The following ASB11 variants were observed in gnomAD, a reference collection of about 807,000 sequenced individuals.
ASB11 encodes ankyrin repeat and SOCS box protein 11.
A neutral mutation model predicts 20.1 loss-of-function variants in ASB11; 17 were observed. The ratio of observed to expected loss-of-function variants is 0.85; its 90% CI spans 0.58 to 1.27. ASB11 has a LOEUF of 1.27. Among genes scored for constraint, ASB11 ranks in the 50% most tolerant of loss-of-function variants. ASB11 has a pLI of 0.00. For synonymous variants in ASB11, 107 were observed against 105.6 expected (o/e 1.01, Z -0.08); for missense variants, 259 against 256.9 (o/e 1.01, Z -0.06).
At chrX:15,296,703 GTTGAA>G (rs1280623483) in intron 3 of ASB11, among the ~76,000 whole-genome samples, 2 of 112,215 alleles carry the variant, frequency 1.8e-5, no homozygotes, top group Non-Finnish European at 3.8e-5. Flanking sequence ...CATTTAAGGT[GTTGAA>G]TTAAGAGTGT....
rs781293837 is a variant in ASB11, at chrX:15,312,516, A to G, written c.181+2909T>C. ...TGTTAAATGCAGCTTCCAAAAAAAA[A>G]AAAAAAAAAGAGTGCTCTGGACCTA... On this transcript the variant is annotated intron_variant, in intron 1 of 6. Transcript: ENST00000480796. Among the ~76,000 whole-genome samples the G allele has an allele frequency of 4.6e-5, 5 of 108,531 alleles. No individual in the cohort carries two copies. The East Asian group carries it at 1.4e-3, about 31-fold the overall frequency. The allele number at this position is 108,531 out of a possible 115,157, so 94.2% of individuals were successfully genotyped here.
Position 15,288,061 on chromosome X carries a change from C to T in ASB11, c.667G>A (p.Asp223Asn), listed in dbSNP as rs761707523. Residue 223 changes from aspartate to asparagine, a missense_variant, in exon 6 of 7, where the codon GAC becomes AAC. Coordinates refer to ENST00000480796, the MANE Select transcript of ASB11 (RefSeq NM_080873.3). ...GGGGTGTCCAGCCACTGGCCATGGT[C>T]GACACTGGCTCCTTAACAAAACAGA... is the stretch of plus-strand genomic sequence containing the variant. ...KKLLELGASV[D>N]HGQWLDTPLH... The T allele has an allele frequency of 5.8e-6, 7 of 1,206,024 alleles. No homozygotes were observed. Among genetic ancestry groups the T allele is most frequent in the Non-Finnish European group, 6.7e-6 (6 of 893,374 alleles).
At chrX:15,310,824 C>A (rs1014666671) in intron 1 of ASB11, among the ~76,000 whole-genome samples, 6 of 111,406 alleles carry the variant, frequency 5.4e-5, no homozygotes, top group Non-Finnish European at 1.9e-5. Context: ...CCTGTCTCTA[C>A]TAAAAATACA....
At position 15,315,541 on chromosome X, in the gene ASB11, A is replaced by G. The variant is rs1408813974; in HGVS notation, c.65T>C (p.Phe22Ser). Residue 22 changes from phenylalanine (F) to serine (S), a missense_variant, in exon 1 of 7, where the codon TTT becomes TCT. Phe to Ser is a radical substitution (Grantham distance 155, BLOSUM62 -2). Coordinates refer to ENST00000480796, the MANE Select transcript of ASB11 (RefSeq NM_080873.3). ...AACTTTAATTAAAAGCTTAAAGAAA[A>G]AAAACGTAGCAAACATTGTAATAAA... is the stretch of plus-strand genomic sequence containing the variant. ...NIFITMFATF[F>S]FFKLLIKVFL... The G allele has an allele frequency of 8.4e-7, 1 of 1,192,859 alleles. No homozygotes were observed. The highest frequency in any genetic ancestry group is 1.8e-5 in the African/African-American group (1 of 56,272).
Position 15,308,704 on chromosome X carries a change from T to C in ASB11, c.182-5897A>G, listed in dbSNP as rs950818046. The stretch of plus-strand genomic sequence containing the variant: ...AGAAATAGGACTGAAACCCTAGTTA[T>C]GGGGACTTTAGAACACACCTTGTTC... On this transcript the variant is annotated intron_variant, in intron 1 of 6. Coordinates refer to ENST00000480796, the MANE Select transcript of ASB11 (RefSeq NM_080873.3). Among the ~76,000 whole-genome samples the C allele has an allele frequency of 5.4e-5, 6 of 111,928 alleles. No homozygotes were observed. The Admixed American group carries it at 5.7e-4, about 11-fold the overall frequency.
At chrX:15,288,885 CA>C (rs1391742665) in intron 5 of ASB11, among the ~76,000 whole-genome samples, 41 of 98,729 alleles carry the variant, frequency 4.2e-4, no homozygotes, top group Admixed American at 4.4e-4. Context: ...AACTTCATCT[CA>C]AAAAAAAAAA....
intron 1 of ASB11, among the ~76,000 whole-genome samples, chrX:15,312,417 CAA>C (rs1231680554): frequency 4.2e-5 from 1 of 23,613 alleles, no homozygotes; most frequent in Non-Finnish European, 7.0e-5. Context: ...GCCCACTGCA[CAA>C]AAAAAAAAAA....
At chrX:15,292,966 A>G (rs5935932) in intron 4 of ASB11, among the ~76,000 whole-genome samples, 35,993 of 111,139 alleles carry the variant, frequency 0.32, 4,698 homozygotes, top group South Asian at 0.56. Context: ...TTCCGAAGTT[A>G]TAAGTAGGGC....
At chrX:15,288,168 C>A in intron 5 of ASB11, 96 bp from the exon 6 acceptor site, 1 of 893,713 alleles carries the variant, frequency 1.1e-6, no homozygotes, top group Admixed American at 3.5e-5. Context: ...ATTTTAAGTA[C>A]CATGACATAC....
rs1251983063 is a variant in ASB11, at chrX:15,315,448, TCTG to T, written c.155_157del (p.Ala52del). 1 of 1,131,729 alleles carries T rather than the reference TCTG, an allele frequency of 8.8e-7. No individual in the cohort carries two copies. Among genetic ancestry groups the T allele is most frequent in the Non-Finnish European group, 1.2e-6 (1 of 860,589 alleles). The allele number at this position is 1,131,729 out of a possible 1,213,427, so 93.3% of individuals were successfully genotyped here. ...ACCTGAAATTCCACCATAGATCTCT[TCTG>T]CTATCCTAGCCGCTTCTTTTCTATT... On this transcript the variant is annotated inframe_deletion, in exon 1 of 7. Transcript: ENST00000480796.
chrX:15,304,119 T>G (rs1435372060), intron 1 of ASB11, among the ~76,000 whole-genome samples: 2 of 112,970 alleles, frequency 1.8e-5, no homozygotes, highest in Admixed American at 1.9e-4. Flanking sequence ...CTCAACCTCT[T>G]GTGGGTGATC....
At chrX:15,296,660 T>G (rs1269143068) in intron 3 of ASB11, among the ~76,000 whole-genome samples, 2 of 112,286 alleles carry the variant, frequency 1.8e-5, no homozygotes, top group African/African-American at 6.5e-5. Flanking sequence ...AGCTCGCTCA[T>G]TTTGATAATT....
At chrX:15,296,666 T>C (rs1336877747) in intron 3 of ASB11, among the ~76,000 whole-genome samples, 1 of 112,385 alleles carries the variant, frequency 8.9e-6, no homozygotes, top group African/African-American at 3.2e-5. Context: ...CTCATTTTGA[T>C]AATTTTGCTC....
At chrX:15,284,251 CAAA>C (rs60542067) in intron 6 of ASB11, among the ~76,000 whole-genome samples, 6 of 72,323 alleles carry the variant, frequency 8.3e-5, no homozygotes, top group African/African-American at 2.9e-4. Flanking sequence ...GACTCCGCCT[CAAA>C]AAAAAAAAAA....
chrX:15,302,150 G>A (rs1175318650), intron 2 of ASB11, among the ~76,000 whole-genome samples: 5 of 111,495 alleles, frequency 4.5e-5, no homozygotes, highest in Non-Finnish European at 9.4e-5. Context: ...ATGTGGCAAG[G>A]AATTGAGGTT....
At chrX:15,284,220 C>G (rs745345169) in intron 6 of ASB11, among the ~76,000 whole-genome samples, 6 of 100,768 alleles carry the variant, frequency 6.0e-5, no homozygotes, top group Non-Finnish European at 1.0e-4. Flanking sequence ...CCACTGCACT[C>G]CAGCCTGGGC....
At chrX:15,302,621 G>A in intron 2 of ASB11, 107 bp downstream of exon 2, 1 of 790,676 alleles carries the variant, frequency 1.3e-6, no homozygotes, top group East Asian at 3.3e-5. Context: ...AATGGCAATG[G>A]TGGGACCTGG....
intron 1 of ASB11, among the ~76,000 whole-genome samples, chrX:15,304,930 A>G (rs762844747): frequency 6.3e-5 from 7 of 111,779 alleles, no homozygotes; most frequent in Non-Finnish European, 1.3e-4. Context: ...AAAATAAACA[A>G]TAAGAGATTA....
At chrX:15,298,629 A>G (rs911368898) in intron 2 of ASB11, among the ~76,000 whole-genome samples, 4 of 111,428 alleles carry the variant, frequency 3.6e-5, no homozygotes, top group African/African-American at 1.3e-4. Flanking sequence ...GGGATGTAAG[A>G]CCAAAGCAAG....
Sources: allele counts gnomAD v4.1 joint callset (sites outside exome capture counted in the v4.1 genomes callset), GRCh38; gene constraint gnomAD v4.1.1; transcripts MANE v1.5; gene names NCBI Gene and HGNC (gene_info 2026-07-23, HGNC 2026-07-21).